TANC2: variants seen among roughly 807,000 people sequenced by gnomAD.
TANC2 encodes tetratricopeptide repeat, ankyrin repeat and coiled-coil containing 2, also known as protein TANC2.
Under a neutral mutation model 210.5 loss-of-function variants are expected in TANC2, and 26 were observed. The observed-to-expected ratio is 0.12, with a 90% CI of 0.09 to 0.17. The LOEUF (loss-of-function observed/expected upper bound fraction) is 0.17, where lower values mean the gene tolerates loss of function less well. TANC2 is among the 10% of genes least tolerant of loss of function. The pLI, the probability that TANC2 is intolerant of heterozygous loss-of-function variation, is 1.00. For synonymous variants in TANC2, 931 were observed against 967.1 expected, an observed-to-expected ratio of 0.96 and a Z score of 0.69; for missense variants, 2,129 against 2,608.9, an observed-to-expected ratio of 0.82 and a Z score of 4.01.
At chr17:62,986,162 G>C (rs1289826720) in intron 1 of TANC2, among the ~76,000 whole-genome samples, 1 of 152,200 alleles carries the variant, frequency 6.6e-6, no homozygotes, top group Non-Finnish European at 1.5e-5. Flanking sequence ...CTTTGGCCTA[G>C]GCTGAGAGAA....
At chr17:63,356,933 G>A (rs2046799202) in intron 14 of TANC2, among the ~76,000 whole-genome samples, 1 of 152,154 alleles carries the variant, frequency 6.6e-6, no homozygotes, top group African/African-American at 2.4e-5. Flanking sequence ...CCCTTCTGGT[G>A]TATCTTAGTT....
Position 63,297,190 on chromosome 17 carries a change from C to T in TANC2, c.1160-17198C>T, listed in dbSNP as rs116556158. Among the ~76,000 whole-genome samples, 460 of 152,236 alleles carry T rather than the reference C, an allele frequency of 3.0e-3. 2 individuals are homozygous for T. Among genetic ancestry groups the T allele is most frequent in the African/African-American group, 0.011 (437 of 41,546 alleles). ...ACAATCCCTAGCAAAATTCCAACAG[C>T]CTGTTGGGCAGGAATGGAAAAGGAA... is the stretch of plus-strand genomic sequence containing the variant. On this transcript the variant is annotated intron_variant, in intron 9 of 27. Transcript: ENST00000689528.
At chr17:63,126,325 C>T (rs997471091) in intron 4 of TANC2, among the ~76,000 whole-genome samples, 3 of 152,190 alleles carry the variant, frequency 2.0e-5, no homozygotes, top group African/African-American at 7.2e-5. Context: ...TGAATGCCTT[C>T]GGCTAAGCAG....
intron 7 of TANC2, among the ~76,000 whole-genome samples, chr17:63,204,877 G>C (rs1211848709): frequency 6.6e-6 from 1 of 152,258 alleles, no homozygotes; most frequent in East Asian, 1.9e-4. Context: ...TTGAGGTCAG[G>C]AGTTTGAGAC....
At chr17:63,197,450 G>A (rs977967285) in intron 6 of TANC2, among the ~76,000 whole-genome samples, 2 of 152,180 alleles carry the variant, frequency 1.3e-5, no homozygotes, top group African/African-American at 4.8e-5. Context: ...AGGAGGTCAT[G>A]TTAATTTGGT....
chr17:63,247,601 A>G (rs552772265), intron 8 of TANC2, among the ~76,000 whole-genome samples: 36 of 152,064 alleles, frequency 2.4e-4, no homozygotes, highest in African/African-American at 7.9e-4. Flanking sequence ...TTTATTTACC[A>G]CAATTGTCTT....
intron 7 of TANC2, among the ~76,000 whole-genome samples, chr17:63,221,789 A>G (rs1302757214): frequency 2.0e-5 from 3 of 152,238 alleles, no homozygotes; most frequent in Non-Finnish European, 4.4e-5. Flanking sequence ...ATTTTCAGAC[A>G]CTGCTGGTGT....
intron 7 of TANC2, among the ~76,000 whole-genome samples, chr17:63,224,149 A>T (rs1339897161): frequency 6.6e-6 from 1 of 152,078 alleles, no homozygotes; most frequent in South Asian, 2.1e-4. Context: ...GCAGCATCCT[A>T]ATCTGTTCAA....
chr17:63,358,136 G>A (rs1254639135), intron 14 of TANC2, among the ~76,000 whole-genome samples: 1 of 152,200 alleles, frequency 6.6e-6, no homozygotes, highest in Admixed American at 6.5e-5. Context: ...GCTGAAAAGA[G>A]TCAGTAATCT....
intron 3 of TANC2, among the ~76,000 whole-genome samples, chr17:63,087,141 G>A (rs560151073): frequency 9.2e-5 from 14 of 152,250 alleles, no homozygotes; most frequent in Non-Finnish European, 8.8e-5. Flanking sequence ...CAAACCCATC[G>A]GAAGGAACCA....
chr17:63,404,462 T>TC (rs2048438051), intron 19 of TANC2, among the ~76,000 whole-genome samples: 1 of 152,252 alleles, frequency 6.6e-6, no homozygotes, highest in Non-Finnish European at 1.5e-5. Flanking sequence ...ACCTGTGACT[T>TC]CATTATTTTA....
rs201027730 is a variant in TANC2 at position 63,420,984 on chromosome 17, G to C, written c.5254G>C (p.Val1752Leu). 3.3e-5 allele frequency: 54 copies of C among 1,613,828 alleles called. No individual in the cohort carries two copies. The highest frequency in any genetic ancestry group is 1.8e-5 in the Non-Finnish European group (21 of 1,179,866). Residue 1752 changes from valine (V) to leucine (L), a missense_variant, in exon 28 of 28, where the codon GTA becomes CTA. By Grantham distance (32) the Val-to-Leu change is conservative (BLOSUM62 1). Around this residue, in one of 5 missense-constraint regions of TANC2, gnomAD observed 584 missense variants for 627.3 expected, o/e 0.93. Coordinates refer to ENST00000689528, the Ensembl canonical transcript of TANC2. The surrounding 1 kb of genome is among the most constrained non-coding windows in gnomAD (Gnocchi z 4.2). ...TTATCAAGGGTCAATTGGGGGAATC[G>C]TAGGGGATGGAAGGCCGGTGCAGCA... is the stretch of plus-strand genomic sequence containing the variant.
intron 14 of TANC2, among the ~76,000 whole-genome samples, chr17:63,361,183 A>G (rs560709322): frequency 2.0e-5 from 3 of 152,256 alleles, no homozygotes; most frequent in East Asian, 3.9e-4. Flanking sequence ...GCTGGATCGT[A>G]TGGTAGTGTC....
At chr17:62,969,437 G>A (rs1176570741) in intron 1 of TANC2, among the ~76,000 whole-genome samples, 1 of 152,188 alleles carries the variant, frequency 6.6e-6, no homozygotes, top group East Asian at 1.9e-4. Flanking sequence ...AAATGCATGT[G>A]CCCATCATAA....
At chr17:63,019,972 GCTGGAGTGCAGTGGC>G (rs1568322715) in intron 2 of TANC2, among the ~76,000 whole-genome samples, 3 of 152,214 alleles carry the variant, frequency 2.0e-5, no homozygotes, top group African/African-American at 7.2e-5. Flanking sequence ...TTGTTGCCAG[GCTGGAGTGCAGTGGC>G]CTGATCTCAG....
intron 5 of TANC2, among the ~76,000 whole-genome samples, chr17:63,155,518 C>A (rs1290522500): frequency 6.6e-6 from 1 of 152,044 alleles, no homozygotes; most frequent in Admixed American, 6.5e-5. Flanking sequence ...ATAGAAGTGA[C>A]CTTTGACACA....
exon 28 of TANC2, chr17:63,426,008 A>G (rs1308860050): frequency 1.3e-5 from 2 of 152,260 alleles, no homozygotes; most frequent in Non-Finnish European, 2.9e-5. Context: ...CTTTGCCACA[A>G]AATGGAATAG....
intron 1 of TANC2, among the ~76,000 whole-genome samples, chr17:62,980,722 C>T (rs1017810919): frequency 6.6e-6 from 1 of 152,176 alleles, no homozygotes; most frequent in Non-Finnish European, 1.5e-5. Flanking sequence ...CCCAGAGATT[C>T]TGATTTCTTT....
intron 3 of TANC2, 70 bp from the exon 4 acceptor site, chr17:63,099,105 T>C: frequency 1.4e-6 from 2 of 1,417,322 alleles, no homozygotes; most frequent in South Asian, 1.2e-5. Context: ...GATTATCCTA[T>C]AAGATGTATT....
Sources: allele counts gnomAD v4.1 joint callset (sites outside exome capture counted in the v4.1 genomes callset), GRCh38; gene constraint gnomAD v4.1.1; regional missense constraint gnomAD v4.1.1; non-coding constraint Gnocchi (gnomAD v3.1); transcripts MANE v1.5; gene names NCBI Gene and HGNC (gene_info 2026-07-23, HGNC 2026-07-21).